The following CNRIP1 variants were observed in gnomAD, a reference collection of about 807,000 sequenced individuals.
CNRIP1 encodes the protein CB1 cannabinoid receptor-interacting protein 1.
CNRIP1 carries 10 observed loss-of-function variants against 15.2 expected under a neutral mutation model. The observed-to-expected ratio is 0.66, with a 90% CI of 0.41 to 1.12. The LOEUF (loss-of-function observed/expected upper bound fraction) is 1.12, where lower values mean the gene tolerates loss of function less well. Ranked by LOEUF, CNRIP1 falls within the 50% of genes most tolerant of loss-of-function variation. CNRIP1 has a pLI of 0.00. For missense variants in CNRIP1, 211 were observed against 214.7 expected (o/e 0.98, Z 0.11); for synonymous variants, 91 against 83.2 (o/e 1.09, Z -0.51).
intron 2 of CNRIP1, among the ~76,000 whole-genome samples, chr2:68,295,342 TG>T (rs1171218611): frequency 1.3e-5 from 2 of 152,196 alleles, no homozygotes; most frequent in African/African-American, 4.8e-5. Flanking sequence ...GGCTTTCCTC[TG>T]GGAAATTTGC....
At chr2:68,307,847 G>T (rs1353590417) in intron 2 of CNRIP1, among the ~76,000 whole-genome samples, 1 of 151,984 alleles carries the variant, frequency 6.6e-6, no homozygotes, top group East Asian at 1.9e-4. Context: ...TCCTTTTAAA[G>T]TATACAAACA....
intron 2 of CNRIP1, among the ~76,000 whole-genome samples, chr2:68,298,756 A>G (rs1200171246): frequency 1.3e-5 from 2 of 152,032 alleles, no homozygotes; most frequent in Non-Finnish European, 2.9e-5. Flanking sequence ...CCGTCTTCCT[A>G]TTCTTTCTTT....
chr2:68,316,967 T>A, intron 2 of CNRIP1, 190 bp downstream of exon 2: 1 of 709,166 alleles, frequency 1.4e-6, no homozygotes, highest in Non-Finnish European at 2.5e-6. Context: ...ACAGGGTCAG[T>A]CTGTCATGCA....
At chr2:68,284,685 A>C (rs1030776124) in intron 2 of CNRIP1, among the ~76,000 whole-genome samples, 1 of 151,770 alleles carries the variant, frequency 6.6e-6, no homozygotes, top group South Asian at 2.1e-4. Context: ...GTAGTGGTGC[A>C]CCTGTAGTCC....
chr2:68,309,431 A>G (rs1258909791), intron 2 of CNRIP1, among the ~76,000 whole-genome samples: 1 of 152,210 alleles, frequency 6.6e-6, no homozygotes, highest in Non-Finnish European at 1.5e-5. Flanking sequence ...TTCAAGTAAC[A>G]GTTAAGTTCT....
At chr2:68,306,827 T>A (rs376830229) in intron 2 of CNRIP1, among the ~76,000 whole-genome samples, 1 of 151,768 alleles carries the variant, frequency 6.6e-6, no homozygotes, top group African/African-American at 2.4e-5. Flanking sequence ...TATTGCATTA[T>A]GTATTTTTTG....
chr2:68,296,956 G>A (rs754871792), intron 2 of CNRIP1, among the ~76,000 whole-genome samples: 3 of 152,004 alleles, frequency 2.0e-5, no homozygotes, highest in Admixed American at 6.6e-5. Context: ...TAGCAGAGAC[G>A]CGGTTTAACC....
At chr2:68,305,244 C>CAA (rs60243249) in intron 2 of CNRIP1, among the ~76,000 whole-genome samples, 175 of 91,538 alleles carry the variant, frequency 1.9e-3, no homozygotes, top group Middle Eastern at 6.0e-3. Context: ...AACTCCGTCT[C>CAA]AAAAAAAAAA....
Position 68,319,362 on chromosome 2 carries a change from C to T in CNRIP1, c.39G>A (p.Ala13=). 1 of 1,585,428 alleles carries T rather than the reference C, an allele frequency of 6.3e-7. No homozygotes were observed. Among genetic ancestry groups the T allele is most frequent in the Non-Finnish European group, 8.6e-7 (1 of 1,166,986 alleles). ...DLPGLVRLSI[A]LRIQPNDGPV... ...GGCCGTCATTAGGCTGGATGCGCAG[C>T]GCGATGGAGAGGCGCACGAGGCCCG... is the stretch of plus-strand genomic sequence containing the variant. Residue 13 remains alanine, a synonymous_variant, in exon 1 of 3, where the codon GCG becomes GCA. Coordinates refer to ENST00000263655, the MANE Select transcript of CNRIP1 (RefSeq NM_015463.3).
intron 2 of CNRIP1, among the ~76,000 whole-genome samples, chr2:68,301,827 G>A (rs955196506): frequency 7.0e-6 from 1 of 142,528 alleles, no homozygotes; most frequent in Non-Finnish European, 1.5e-5. Context: ...GGGAGGCGGA[G>A]CTTGCAGTGA....
At chr2:68,303,609 G>A (rs1041300784) in intron 2 of CNRIP1, among the ~76,000 whole-genome samples, 8 of 152,200 alleles carry the variant, frequency 5.3e-5, no homozygotes, top group Non-Finnish European at 7.3e-5. Context: ...AAAAGCACTC[G>A]ATTCAAAACT....
chr2:68,305,596 C>A (rs1026931318), intron 2 of CNRIP1, among the ~76,000 whole-genome samples: 1 of 149,180 alleles, frequency 6.7e-6, no homozygotes, highest in Admixed American at 6.7e-5. Flanking sequence ...GAGATTGAGA[C>A]CATCCTGGCT....
rs760897836 is a variant in CNRIP1 at position 68,293,900 on chromosome 2, G to A, written c.457C>T (p.Arg153Cys). The change falls in exon 3 of 3, where the codon CGC (arginine) becomes TGC (cysteine). Residue 153 changes from arginine to cysteine, a missense_variant. By Grantham distance (180) the Arg-to-Cys change is radical. Coordinates refer to ENST00000263655, the MANE Select transcript of CNRIP1 (RefSeq NM_015463.3). ...IEYECKPNET[R>C]SLMWVNKESF... ...TCCTTGTTCACCCACATCAGACTGC[G>A]TGTCTCGTTGGGCTTGCATTCATAC... is the stretch of plus-strand genomic sequence containing the variant. The A allele has an allele frequency of 1.3e-5, 21 of 1,613,930 alleles. No homozygotes were observed. The Admixed American group carries it at 1.3e-4, about 10-fold the overall frequency.
In CNRIP1 at chr2:68,293,601, T is replaced by C. The variant is rs898339437; in HGVS notation, c.*261A>G. The C allele has an allele frequency of 3.6e-6, 4 of 1,125,706 alleles. No homozygotes were observed. Among genetic ancestry groups the C allele is most frequent in the Non-Finnish European group, 4.4e-6 (4 of 914,680 alleles). 69.7% of individuals were successfully genotyped at this position (1,125,706 alleles called of 1,614,324 possible). A position where few individuals can be genotyped will look rare whatever the true frequency, so the allele number is the denominator to read the frequency against. Reference sequence around the variant, plus strand: ...AACTCCAGTCACAAGTGGTCAAAAGTATGACCGAGAACAACTGGATGCAGG... The same window carrying C: ...AACTCCAGTCACAAGTGGTCAAAAGCATGACCGAGAACAACTGGATGCAGG... On this transcript the variant is annotated 3_prime_UTR_variant, in exon 3 of 3. Coordinates refer to ENST00000263655, the MANE Select transcript of CNRIP1 (RefSeq NM_015463.3).
intron 2 of CNRIP1, chr2:68,284,527 G>A: frequency 7.4e-7 from 1 of 1,351,998 alleles, no homozygotes; most frequent in Non-Finnish European, 1.0e-6. Flanking sequence ...GAAAACCACA[G>A]TTGGGTAGGT....
chr2:68,300,138 T>A (rs538592447), intron 2 of CNRIP1, among the ~76,000 whole-genome samples: 1 of 152,342 alleles, frequency 6.6e-6, no homozygotes, highest in Admixed American at 6.5e-5. Context: ...GGACTAAAAG[T>A]TCTAGGTCTT....
At chr2:68,295,448 C>G (rs1356986508) in intron 2 of CNRIP1, among the ~76,000 whole-genome samples, 1 of 152,070 alleles carries the variant, frequency 6.6e-6, no homozygotes, top group African/African-American at 2.4e-5. Context: ...GCTTAAAGAC[C>G]TATATAAGCA....
intron 1 of CNRIP1, among the ~76,000 whole-genome samples, chr2:68,317,841 C>T (rs1336402152): frequency 6.6e-6 from 1 of 152,122 alleles, no homozygotes; most frequent in Non-Finnish European, 1.5e-5. Context: ...GGGAGAGCTC[C>T]AGCATCTGTG....
At chr2:68,285,518 G>A (rs1171079538) in intron 2 of CNRIP1, among the ~76,000 whole-genome samples, 1 of 152,066 alleles carries the variant, frequency 6.6e-6, no homozygotes, top group Non-Finnish European at 1.5e-5. Flanking sequence ...GCTGGATGTG[G>A]TGGTGGCCGC....
Sources: allele counts gnomAD v4.1 joint callset (sites outside exome capture counted in the v4.1 genomes callset), GRCh38; gene constraint gnomAD v4.1.1; transcripts MANE v1.5; gene names NCBI Gene and HGNC (gene_info 2026-07-23, HGNC 2026-07-21).